Variants in SEC23IP observed in about 807,000 individuals in gnomAD.
SEC23IP encodes SEC23-interacting protein.
Under a neutral mutation model 113.4 loss-of-function variants are expected in SEC23IP, and 70 were observed. That is an observed-to-expected ratio of 0.62 (90% CI 0.51 to 0.75). The LOEUF is 0.75. SEC23IP is among the 30% of genes least tolerant of loss of function. The pLI is 0.00. For synonymous variants in SEC23IP, 398 were observed against 421.0 expected, an observed-to-expected ratio of 0.95 and a Z score of 0.67; for missense variants, 1,160 against 1,204.9, an observed-to-expected ratio of 0.96 and a Z score of 0.55.
intron 18 of SEC23IP, among the ~76,000 whole-genome samples, chr10:119,936,489 A>T (rs1163364125): frequency 7.0e-6 from 1 of 142,400 alleles, no homozygotes; most frequent in Non-Finnish European, 1.5e-5. Context: ...GGTTGCAGTG[A>T]GCTGAGATTC....
intron 11 of SEC23IP, among the ~76,000 whole-genome samples, chr10:119,920,578 G>A (rs868513558): frequency 4.6e-5 from 7 of 152,306 alleles, no homozygotes; most frequent in Admixed American, 2.6e-4. Context: ...CCACAGTTGC[G>A]CTGAGAGGAG....
intron 18 of SEC23IP, among the ~76,000 whole-genome samples, chr10:119,935,477 T>C (rs1327519332): frequency 6.6e-6 from 1 of 151,836 alleles, no homozygotes; most frequent in African/African-American, 2.4e-5. Flanking sequence ...AAAAGACAAA[T>C]GATAGCAAAA....
intron 6 of SEC23IP, 46 bp from the exon 7 acceptor site, chr10:119,914,684 A>T: frequency 6.6e-7 from 1 of 1,514,858 alleles, no homozygotes; most frequent in East Asian, 2.3e-5. Context: ...GGAAAATCCA[A>T]ACAAATTCCC....
rs535278958 is a variant in SEC23IP, at chr10:119,942,089, G to T, written c.*1524G>T. On this transcript the variant is annotated 3_prime_UTR_variant, in exon 19 of 19. Coordinates refer to ENST00000369075, the MANE Select transcript of SEC23IP (RefSeq NM_007190.4). Reference sequence around the variant, plus strand: ...AATTTCCCAATACTGATGAAATAAAGAAAAATGAGGGTTATTTATATACAT... The same window carrying T: ...AATTTCCCAATACTGATGAAATAAATAAAAATGAGGGTTATTTATATACAT... The T allele has an allele frequency of 6.6e-6, 1 of 152,132 alleles. No homozygotes were observed. Among genetic ancestry groups the T allele is most frequent in the South Asian group, 2.1e-4 (1 of 4,818 alleles). The allele number at this position is 152,132 out of a possible 1,614,324, so 9.4% of individuals were successfully genotyped here. A position where few individuals can be genotyped will look rare whatever the true frequency, so the allele number is the denominator to read the frequency against.
At chr10:119,936,407 A>G (rs1166529792) in intron 18 of SEC23IP, among the ~76,000 whole-genome samples, 1 of 151,778 alleles carries the variant, frequency 6.6e-6, no homozygotes, top group African/African-American at 2.4e-5. Flanking sequence ...AAATACAGAA[A>G]AATTAGCAGG....
At chr10:119,908,517 T>C (rs2134472103) in intron 4 of SEC23IP, among the ~76,000 whole-genome samples, 1 of 152,278 alleles carries the variant, frequency 6.6e-6, no homozygotes, top group African/African-American at 2.4e-5. Context: ...CCAAAGCCAA[T>C]ATAACTTGTG....
At chr10:119,938,296 T>C (rs1163705935) in intron 18 of SEC23IP, among the ~76,000 whole-genome samples, 3 of 152,166 alleles carry the variant, frequency 2.0e-5, no homozygotes, top group Non-Finnish European at 4.4e-5. Flanking sequence ...ATGCTGGTAG[T>C]GTGATTTCAG....
At chr10:119,915,926 C>T in intron 8 of SEC23IP, 37 bp downstream of exon 8, 9 of 1,419,740 alleles carry the variant, frequency 6.3e-6, no homozygotes, top group Non-Finnish European at 8.4e-6. Flanking sequence ...TCAGATTAGT[C>T]ATATTTAAAT....
rs938862351 is a variant in SEC23IP, at chr10:119,915,715, ATTTAT to A, written c.1403-29_1403-25del. ...CTAGCTATCAAGCTAGGAGAATTTA[ATTTAT>A]TTTCTCTTTTTTTTTTTTCTTTTGA... On this transcript the variant is annotated intron_variant, in intron 7 of 18. Transcript: ENST00000369075. 8 of 1,465,702 alleles carry A rather than the reference ATTTAT, an allele frequency of 5.5e-6. No homozygotes were observed. In the African/African-American group the frequency reaches 1.1e-4, roughly 21 times the overall value. The allele number at this position is 1,465,702 out of a possible 1,614,324, so 90.8% of individuals were successfully genotyped here.
Position 119,904,168 on chromosome 10 carries a change from C to T in SEC23IP, c.992C>T (p.Ala331Val). ...VYLYDRIRKA[A>V]YWEEEPAEVR... ...CTCTATGACCGAATAAGGAAGGCTG[C>T]CTACTGGGAAGAGGAGCCAGCCGAA... Residue 331 changes from alanine (A) to valine (V), a missense_variant, in exon 4 of 19, where the codon GCC becomes GTC. By Grantham distance (64) the Ala-to-Val change is moderately conservative. Coordinates refer to ENST00000369075, the MANE Select transcript of SEC23IP (RefSeq NM_007190.4). 6.2e-7 allele frequency: 1 copy of T among 1,614,172 alleles called. No individual in the cohort carries two copies. The highest frequency in any genetic ancestry group is 8.5e-7 in the Non-Finnish European group (1 of 1,180,020).
intron 4 of SEC23IP, among the ~76,000 whole-genome samples, chr10:119,906,047 G>A (rs566441943): frequency 1.4e-4 from 22 of 152,128 alleles, no homozygotes; most frequent in African/African-American, 3.9e-4. Flanking sequence ...AGGCCAAGGT[G>A]GGTGGGTTGC....
chr10:119,901,048 G>T lies in SEC23IP; in HGVS notation c.697-1751G>T, dbSNP rs533719617. Among the ~76,000 whole-genome samples the T allele has an allele frequency of 5.5e-5, 8 of 144,488 alleles. 1 individual carries two copies. Among genetic ancestry groups the T allele is most frequent in the African/African-American group, 7.7e-5 (3 of 39,154 alleles). The allele number at this position is 144,488 out of a possible 152,430, so 94.8% of individuals were successfully genotyped here. On this transcript the variant is annotated intron_variant, in intron 2 of 18. Transcript: ENST00000369075. ...CTTTTTTTTTTTTTTAAAGAGTGGG[G>T]GGGGGGTCTTGCTCTGTCATCCAGG...
In SEC23IP at chr10:119,914,750, C is replaced by T. The variant is rs1854991244; in HGVS notation, c.1333C>T (p.His445Tyr). Residue 445 changes from histidine (H) to tyrosine (Y), a missense_variant, in exon 7 of 19, where the codon CAT becomes TAT. By Grantham distance (83) the His-to-Tyr change is moderately conservative. Transcript: ENST00000369075. The part of the protein sequence containing the change: ...IPDGEMPQVD[H>Y]LVFVVHGIGP... Reference sequence around the variant, plus strand: ...GATAGGGGAGATGCCTCAAGTTGACCATTTGGTGTTTGTGGTGCATGGCAT... The same window carrying T: ...GATAGGGGAGATGCCTCAAGTTGACTATTTGGTGTTTGTGGTGCATGGCAT... 2 of 1,613,970 alleles carry T rather than the reference C, an allele frequency of 1.2e-6. No individual in the cohort carries two copies. The highest frequency in any genetic ancestry group is 2.7e-5 in the African/African-American group (2 of 74,994).
At chr10:119,917,106 C>T (rs865940144) in intron 8 of SEC23IP, among the ~76,000 whole-genome samples, 15 of 152,300 alleles carry the variant, frequency 9.8e-5, no homozygotes, top group Middle Eastern at 3.4e-3. Context: ...CGGGCTCAAG[C>T]GGTCCTCCTG....
intron 7 of SEC23IP, among the ~76,000 whole-genome samples, 196 bp downstream of exon 7, chr10:119,915,015 A>C (rs1268610930): frequency 6.6e-6 from 1 of 152,210 alleles, no homozygotes; most frequent in Non-Finnish European, 1.5e-5. Context: ...ATACAATCCC[A>C]GACTGTGAGG....
chr10:119,908,677 C>T (rs1255622160), intron 4 of SEC23IP, among the ~76,000 whole-genome samples: 4 of 152,160 alleles, frequency 2.6e-5, no homozygotes, highest in Non-Finnish European at 5.9e-5. Context: ...TTCAGAGGAA[C>T]GGTGGCCTGC....
Position 119,917,939 on chromosome 10 carries a change from A to G in SEC23IP, c.1648A>G (p.Thr550Ala), listed in dbSNP as rs1415003638. The change falls in exon 9 of 19, where the codon ACA (threonine) becomes GCA (alanine). Residue 550 changes from threonine to alanine, a missense_variant. Physicochemically the swap from Thr to Ala is moderately conservative, Grantham distance 58. Coordinates refer to ENST00000369075, the MANE Select transcript of SEC23IP (RefSeq NM_007190.4). Reference sequence around the variant, plus strand: ...TTATAACAGCCCCACCTACTGTCAGACAATTGTGGAAAAAGTAGGAATGGA... The same window carrying G: ...TTATAACAGCCCCACCTACTGTCAGGCAATTGTGGAAAAAGTAGGAATGGA... ...LFYNSPTYCQ[T>A]IVEKVGMEIN... 1.9e-6 allele frequency: 3 copies of G among 1,613,932 alleles called. No homozygotes were observed. In the African/African-American group the frequency reaches 4.0e-5, roughly 22 times the overall value.
At chr10:119,912,018 T>C in intron 5 of SEC23IP, 26 bp from the exon 6 acceptor site, 1 of 1,612,600 alleles carries the variant, frequency 6.2e-7, no homozygotes, top group Non-Finnish European at 8.5e-7. Flanking sequence ...TAATGAGCTT[T>C]GTCATAATTC....
In SEC23IP at chr10:119,943,699, G is replaced by A. The variant is rs1856015168; in HGVS notation, c.*3134G>A. On this transcript the variant is annotated 3_prime_UTR_variant, in exon 19 of 19. Transcript: ENST00000369075. The stretch of plus-strand genomic sequence containing the variant: ...TGTCATGTTGTTAACACCAGTGGGA[G>A]TTTGGGAAATAATTCCAGCTCTTTA... 6.6e-6 allele frequency: 1 copy of A among 152,234 alleles called. No individual in the cohort carries two copies. Among genetic ancestry groups the A allele is most frequent in the Non-Finnish European group, 1.5e-5 (1 of 68,040 alleles). The allele number at this position is 152,234 out of a possible 1,614,324, so 9.4% of individuals were successfully genotyped here. A position where few individuals can be genotyped will look rare whatever the true frequency, so the allele number is the denominator to read the frequency against.
Sources: allele counts gnomAD v4.1 joint callset (sites outside exome capture counted in the v4.1 genomes callset), GRCh38; gene constraint gnomAD v4.1.1; transcripts MANE v1.5; gene names NCBI Gene and HGNC (gene_info 2026-07-23, HGNC 2026-07-21).